SLC6A15: variants seen among roughly 807,000 people sequenced by gnomAD.
The protein encoded by SLC6A15 is solute carrier family 6 member 15.
A neutral mutation model predicts 68.5 loss-of-function variants in SLC6A15; 33 were observed. The ratio of observed to expected loss-of-function variants is 0.48; its 90% CI spans 0.37 to 0.64. The LOEUF (loss-of-function observed/expected upper bound fraction) is 0.64, where lower values mean the gene tolerates loss of function less well. Among genes scored for constraint, SLC6A15 ranks in the 30% least tolerant of loss-of-function variants. SLC6A15 has a pLI of 0.00. For synonymous variants in SLC6A15, 347 were observed against 301.0 expected, an observed-to-expected ratio of 1.15 and a Z score of -1.58; for missense variants, 747 against 874.3, an observed-to-expected ratio of 0.85 and a Z score of 1.84.
chr12:84,886,502 T>A (rs1872108561), intron 2 of SLC6A15, among the ~76,000 whole-genome samples: 1 of 151,350 alleles, frequency 6.6e-6, no homozygotes, highest in South Asian at 2.1e-4. Context: ...AAAATTAGAG[T>A]GAATGAGATT....
At chr12:84,910,927 C>CTCTCTCTCTCTCTCT (rs1565736492) in intron 1 of SLC6A15, among the ~76,000 whole-genome samples, 6 of 129,042 alleles carry the variant, frequency 4.6e-5, no homozygotes, top group African/African-American at 2.4e-4. Context: ...CGCCCTCTTT[C>CTCTCTCTCTCTCTCT]CGTGTGTGTG....
intron 1 of SLC6A15, among the ~76,000 whole-genome samples, chr12:84,904,321 C>T (rs1281256482): frequency 5.3e-5 from 8 of 151,604 alleles, no homozygotes; most frequent in Admixed American, 5.3e-4. Context: ...TATTCCAGCC[C>T]TAGCTGAACA....
chr12:84,888,831 C>A (rs1565728525), intron 2 of SLC6A15, among the ~76,000 whole-genome samples: 1 of 152,106 alleles, frequency 6.6e-6, no homozygotes, highest in Non-Finnish European at 1.5e-5. Flanking sequence ...ATTGGAAGGA[C>A]CTCGGAAGCC....
chr12:84,869,803 T>C (rs1226852807), intron 9 of SLC6A15, among the ~76,000 whole-genome samples: 1 of 152,202 alleles, frequency 6.6e-6, no homozygotes, highest in East Asian at 1.9e-4. Context: ...GTAAGTCTTA[T>C]CTATGCAATC....
At chr12:84,885,628 G>A (rs909729108) in intron 3 of SLC6A15, 67 bp from the exon 4 acceptor site, 2 of 1,430,212 alleles carry the variant, frequency 1.4e-6, no homozygotes, top group Non-Finnish European at 1.9e-6. Context: ...GAGATCAAAT[G>A]CATAAAATTT....
At chr12:84,862,035 G>C in intron 11 of SLC6A15, 29 bp from the exon 12 acceptor site, 1 of 1,532,466 alleles carries the variant, frequency 6.5e-7, no homozygotes. Context: ...ATAATTATTA[G>C]TAATCTATCT....
intron 9 of SLC6A15, among the ~76,000 whole-genome samples, 183 bp downstream of exon 9, chr12:84,870,294 AC>A (rs1227963181): frequency 2.4e-4 from 36 of 150,234 alleles, no homozygotes; most frequent in African/African-American, 8.7e-4. Flanking sequence ...TATTATACAT[AC>A]AATAAAAATT....
chr12:84,877,184 C>A (rs755908268), intron 5 of SLC6A15, among the ~76,000 whole-genome samples: 2 of 152,148 alleles, frequency 1.3e-5, no homozygotes, highest in Non-Finnish European at 2.9e-5. Context: ...ACATTCACTG[C>A]CTCCTTGACA....
Position 84,876,560 on chromosome 12 carries a change from G to A in SLC6A15, c.804C>T (p.Phe268=). 1 of 1,597,792 alleles carries A rather than the reference G, an allele frequency of 6.3e-7. No individual in the cohort carries two copies. Among genetic ancestry groups the A allele is most frequent in the Non-Finnish European group, 8.5e-7 (1 of 1,172,596 alleles). ...CATTTAAAAGGAATGCTCTGATGAG[G>A]AAGCAAATAAGTACCACATATGGAA... is the stretch of plus-strand genomic sequence containing the variant. The part of the protein sequence containing the change: ...SLFPYVVLIC[F]LIRAFLLNGS... Residue 268 remains phenylalanine, a synonymous_variant, in exon 6 of 12, where the codon TTC becomes TTT. Transcript: ENST00000266682.
intron 5 of SLC6A15, among the ~76,000 whole-genome samples, chr12:84,879,158 G>A (rs978633172): frequency 6.6e-6 from 1 of 151,854 alleles, no homozygotes; most frequent in African/African-American, 2.4e-5. Flanking sequence ...GAAATACTCA[G>A]CAGTCGTTGA....
At chr12:84,881,192 T>C (rs1043520369) in intron 5 of SLC6A15, 1 of 154,860 alleles carries the variant, frequency 6.5e-6, no homozygotes, top group Non-Finnish European at 1.4e-5. Flanking sequence ...ATCCCCTTAA[T>C]AGATTCTGTA....
chr12:84,911,843 G>C (rs1222128670), intron 1 of SLC6A15: 1 of 152,376 alleles, frequency 6.6e-6, no homozygotes, highest in African/African-American at 2.4e-5. Flanking sequence ...TCAAATTCCA[G>C]GATGCGCAGA....
chr12:84,904,329 A>ACAG (rs1203908813), intron 1 of SLC6A15, among the ~76,000 whole-genome samples: 1 of 151,980 alleles, frequency 6.6e-6, no homozygotes, highest in Admixed American at 6.6e-5. Flanking sequence ...CCCTAGCTGA[A>ACAG]CAGCCAGGTA....
intron 10 of SLC6A15, among the ~76,000 whole-genome samples, chr12:84,865,105 A>G (rs938012390): frequency 2.6e-5 from 4 of 152,178 alleles, no homozygotes; most frequent in Admixed American, 2.0e-4. Flanking sequence ...ATCAAATTCC[A>G]TCATGGTACA....
chr12:84,887,768 T>G (rs1444983673), intron 2 of SLC6A15, among the ~76,000 whole-genome samples: 1 of 152,122 alleles, frequency 6.6e-6, no homozygotes. Flanking sequence ...TTTCCAGTCA[T>G]GTGTGGGTGA....
At chr12:84,911,155 T>C (rs1873437785) in intron 1 of SLC6A15, among the ~76,000 whole-genome samples, 1 of 152,122 alleles carries the variant, frequency 6.6e-6, no homozygotes, top group African/African-American at 2.4e-5. Context: ...CACATAATAA[T>C]TCCTCAAAAC....
chr12:84,902,669 A>G (rs1271174350), intron 1 of SLC6A15, among the ~76,000 whole-genome samples: 1 of 152,088 alleles, frequency 6.6e-6, no homozygotes, highest in Non-Finnish European at 1.5e-5. Context: ...AGCAGTAAAA[A>G]AGAACTATTG....
intron 2 of SLC6A15, 38 bp from the exon 3 acceptor site, chr12:84,886,106 ATAC>A: frequency 7.1e-7 from 1 of 1,413,918 alleles, no homozygotes; most frequent in Non-Finnish European, 9.9e-7. Flanking sequence ...TATATTTTCA[ATAC>A]AGTAGAAAAT....
chr12:84,892,218 A>C lies in SLC6A15; in HGVS notation c.-98T>G, dbSNP rs1872438952. ...AAAACAATGTTACTTGATAGGAAGT[A>C]AAGACCGAGGATGATATCAAATAAA... On this transcript the variant is annotated 5_prime_UTR_variant, in exon 2 of 12. Coordinates refer to ENST00000266682, the MANE Select transcript of SLC6A15 (RefSeq NM_182767.6). 1 of 1,140,364 alleles carries C rather than the reference A, an allele frequency of 8.8e-7. No individual in the cohort carries two copies. Among genetic ancestry groups the C allele is most frequent in the East Asian group, 2.4e-5 (1 of 41,358 alleles). The allele number at this position is 1,140,364 out of a possible 1,614,324, so 70.6% of individuals were successfully genotyped here.
Sources: gnomAD v4.1 joint callset for allele counts (sites outside exome capture counted in the v4.1 genomes callset) on GRCh38, gnomAD v4.1.1 for gene constraint, MANE v1.5 for transcripts, NCBI Gene and HGNC (gene_info 2026-07-23, HGNC 2026-07-21) for gene names.